The following RAI1 variants were observed in gnomAD, a reference collection of about 807,000 sequenced individuals.
RAI1 encodes retinoic acid-induced protein 1.
A neutral mutation model predicts 123.8 loss-of-function variants in RAI1; 9 were observed. That is an observed-to-expected ratio of 0.07 (90% CI 0.04 to 0.13). RAI1 has a LOEUF of 0.13. Ranked by LOEUF, RAI1 falls within the 10% of genes least tolerant of loss-of-function variation. The pLI is 1.00. For missense variants in RAI1, 2,256 were observed against 2,545.8 expected (o/e 0.89, Z 2.45); for synonymous variants, 1,231 against 1,127.3 (o/e 1.09, Z -1.84).
chr17:17,723,274 C>T (rs2142928275), intron 1 of RAI1, among the ~76,000 whole-genome samples: 1 of 152,016 alleles, frequency 6.6e-6, no homozygotes, highest in Non-Finnish European at 1.5e-5. Flanking sequence ...AGACACAGCC[C>T]CACGCAGCGC....
intron 2 of RAI1, chr17:17,777,440 G>T (rs966244394): frequency 1.3e-5 from 2 of 152,270 alleles, no homozygotes; most frequent in South Asian, 2.1e-4. Flanking sequence ...GCTTCACCCC[G>T]TGGGGCTCAG....
At chr17:17,701,700 C>T (rs1915229652) in intron 1 of RAI1, among the ~76,000 whole-genome samples, 1 of 152,150 alleles carries the variant, frequency 6.6e-6, no homozygotes, top group Admixed American at 6.5e-5. Context: ...GCTCAAACAA[C>T]CCTCCCACCT....
intron 2 of RAI1, among the ~76,000 whole-genome samples, chr17:17,782,577 A>T (rs2142998751): frequency 7.9e-6 from 1 of 126,374 alleles, no homozygotes; most frequent in Admixed American, 9.4e-5. Context: ...GCGCTCCATT[A>T]TTCATTATTT....
At chr17:17,742,969 C>T (rs1261930877) in intron 2 of RAI1, among the ~76,000 whole-genome samples, 3 of 152,190 alleles carry the variant, frequency 2.0e-5, no homozygotes, top group African/African-American at 2.4e-5. Context: ...TTTGCTATTA[C>T]AACTCCCTTC....
chr17:17,791,115 G>A (rs1210028133), intron 2 of RAI1, among the ~76,000 whole-genome samples: 2 of 152,208 alleles, frequency 1.3e-5, no homozygotes, highest in African/African-American at 4.8e-5. Flanking sequence ...GGTGGGCAGG[G>A]GCTCGCCTCG....
rs1224763002 is a variant in RAI1 at position 17,796,983 on chromosome 17, A to C, written c.4035A>C (p.Ala1345=). 1.9e-6 allele frequency: 3 copies of C among 1,613,736 alleles called. No individual in the cohort carries two copies. The African/African-American group carries it at 4.0e-5, about 22-fold the overall frequency. ...CCTCGCCCAGCCTCAAGAAGTTCGC[A>C]TGTAAAGCGCCAGGGGCCTCTCCTG... ...KITSPSLKKF[A]CKAPGASPGN... Residue 1345 remains alanine (A), a synonymous_variant, in exon 3 of 6, where the codon GCA becomes GCC. Transcript: ENST00000353383. The surrounding 1 kb of genome is among the most constrained non-coding windows in gnomAD (Gnocchi z 5.8).
chr17:17,755,954 C>T (rs1262326092), intron 2 of RAI1, among the ~76,000 whole-genome samples: 1 of 152,232 alleles, frequency 6.6e-6, no homozygotes, highest in African/African-American at 2.4e-5. Context: ...CTTTGCAGCT[C>T]ACCAGGGACC....
chr17:17,754,688 G>A (rs2030361458), intron 2 of RAI1, among the ~76,000 whole-genome samples: 3 of 152,196 alleles, frequency 2.0e-5, no homozygotes, highest in Admixed American at 2.0e-4. Context: ...CCGACAGCCT[G>A]TACCTACTAG....
rs2032186773 is a variant in RAI1, at chr17:17,795,216, C to T, written c.2268C>T (p.Pro756=). Reference sequence around the variant, plus strand: ...AGGAAAACCTGGGGGATGCTTGTCCCAGGTGGGGATTGCACCCTGGCGAGC... The same window carrying T: ...AGGAAAACCTGGGGGATGCTTGTCCTAGGTGGGGATTGCACCCTGGCGAGC... ...WPEENLGDAC[P]RWGLHPGELT... The change falls in exon 3 of 6, where the codon CCC becomes CCT. Residue 756 remains proline, a synonymous_variant. Transcript: ENST00000353383. This position sits in a 1 kb window ranked among gnomAD's most constrained non-coding sequence, Gnocchi z 5.9. 6.2e-7 allele frequency: 1 copy of T among 1,613,990 alleles called. No homozygotes were observed.
At chr17:17,688,025 C>CAAAAAAAAAAAAA in intron 1 of RAI1, among the ~76,000 whole-genome samples, 1 of 90,074 alleles carries the variant, frequency 1.1e-5, no homozygotes, top group Non-Finnish European at 2.1e-5. Context: ...GACTCTGTCT[C>CAAAAAAAAAAAAA]AAAAAAAAAA....
intron 2 of RAI1, among the ~76,000 whole-genome samples, chr17:17,738,184 T>C (rs1916498813): frequency 6.6e-6 from 1 of 151,906 alleles, no homozygotes; most frequent in African/African-American, 2.4e-5. Flanking sequence ...GGCCTCTCCC[T>C]CTGACTCCTG....
At chr17:17,725,384 C>T (rs987865767) in intron 2 of RAI1, among the ~76,000 whole-genome samples, 1 of 152,156 alleles carries the variant, frequency 6.6e-6, no homozygotes, top group Non-Finnish European at 1.5e-5. Flanking sequence ...GAGATCCGGA[C>T]GCCTCGACCC....
At chr17:17,745,738 A>G (rs2029889309) in intron 2 of RAI1, among the ~76,000 whole-genome samples, 1 of 152,168 alleles carries the variant, frequency 6.6e-6, no homozygotes, top group African/African-American at 2.4e-5. Flanking sequence ...CTGGTCCAGC[A>G]TGTGTTTTTA....
At chr17:17,778,012 A>C (rs1385497780) in intron 2 of RAI1, 1 of 152,266 alleles carries the variant, frequency 6.6e-6, no homozygotes, top group Admixed American at 6.5e-5. Context: ...AGCAGAACCC[A>C]GAGTCTTCCA....
chr17:17,790,025 G>A (rs993167740), intron 2 of RAI1, among the ~76,000 whole-genome samples: 2 of 152,152 alleles, frequency 1.3e-5, no homozygotes, highest in Admixed American at 6.5e-5. Context: ...TCGTTCTGCC[G>A]GGGCCAGGGA....
chr17:17,728,162 C>CGTGCATGCATGT (rs886352644), intron 2 of RAI1, among the ~76,000 whole-genome samples: 3 of 151,912 alleles, frequency 2.0e-5, no homozygotes, highest in Admixed American at 2.0e-4. Context: ...TGTGTGTGCG[C>CGTGCATGCATGT]GTGCATGCAT....
chr17:17,775,748 G>A (rs1299820815), intron 2 of RAI1, among the ~76,000 whole-genome samples: 3 of 152,130 alleles, frequency 2.0e-5, no homozygotes, highest in Non-Finnish European at 4.4e-5. Context: ...TTGCTGTCTC[G>A]GGTGGTGGAG....
intron 1 of RAI1, among the ~76,000 whole-genome samples, chr17:17,688,006 G>C (rs924330366): frequency 7.5e-6 from 1 of 132,706 alleles, no homozygotes; most frequent in Admixed American, 7.9e-5. Context: ...CTCCAGCCTG[G>C]GTGAAGGAGA....
At chr17:17,739,557 G>T (rs1916549595) in intron 2 of RAI1, among the ~76,000 whole-genome samples, 1 of 152,200 alleles carries the variant, frequency 6.6e-6, no homozygotes, top group Non-Finnish European at 1.5e-5. Context: ...GCTTACTGAG[G>T]CTGTGGCCCC....
Sources: allele counts gnomAD v4.1 joint callset (sites outside exome capture counted in the v4.1 genomes callset), GRCh38; gene constraint gnomAD v4.1.1; non-coding constraint Gnocchi (gnomAD v3.1); transcripts MANE v1.5; gene names NCBI Gene and HGNC (gene_info 2026-07-23, HGNC 2026-07-21).